Variants in NOTCH2 observed in about 807,000 individuals in gnomAD.
The protein encoded by NOTCH2 is notch receptor 2, also known as neurogenic locus notch homolog protein 2.
NOTCH2 carries 29 observed loss-of-function variants against 235.8 expected under a neutral mutation model. The observed-to-expected ratio is 0.12, with a 90% CI of 0.09 to 0.17. The LOEUF is 0.17. Ranked by LOEUF, NOTCH2 falls within the 10% of genes least tolerant of loss-of-function variation. The probability of loss-of-function intolerance (pLI) is 1.00; values close to 1 mark genes in which losing one functional copy is unlikely to be tolerated. For missense variants in NOTCH2, 2,285 were observed against 3,150.2 expected (o/e 0.73, Z 6.57); for synonymous variants, 1,086 against 1,141.5 (o/e 0.95, Z 0.98).
At chr1:119,963,003 C>A (rs189719092) in intron 11 of NOTCH2, among the ~76,000 whole-genome samples, 50 of 152,118 alleles carry the variant, frequency 3.3e-4, no homozygotes, top group Admixed American at 2.9e-3. Flanking sequence ...GACAGCTCTG[C>A]GTTCTACTTT....
chr1:119,943,163 A>T (rs1041831955), intron 17 of NOTCH2, among the ~76,000 whole-genome samples: 7 of 152,212 alleles, frequency 4.6e-5, no homozygotes, highest in Admixed American at 3.3e-4. Flanking sequence ...AAACTTATTT[A>T]TCTTATCACT....
At chr1:120,024,850 A>G (rs1321047228) in intron 2 of NOTCH2, among the ~76,000 whole-genome samples, 4 of 151,570 alleles carry the variant, frequency 2.6e-5, no homozygotes, top group Non-Finnish European at 4.4e-5. Flanking sequence ...CATCATTAAA[A>G]ATAATTGCAG....
At chr1:119,967,303 C>A in intron 8 of NOTCH2, 130 bp downstream of exon 8, 3 of 886,648 alleles carry the variant, frequency 3.4e-6, no homozygotes, top group Non-Finnish European at 5.7e-6. Context: ...TTCCTCTAGT[C>A]CCCAGTCAGC....
In NOTCH2 at chr1:119,987,091, T is replaced by C. The variant is rs782119995; in HGVS notation, c.752-9A>G. The C allele has an allele frequency of 1.2e-6, 2 of 1,613,302 alleles. No individual in the cohort carries two copies. Among genetic ancestry groups the C allele is most frequent in the South Asian group, 1.1e-5 (1 of 91,076 alleles). Reference sequence around the variant, plus strand: ...GGTGCTCCCTTCAAAACCTGGTAAATGAAGAACAAATGAAAATGATGAAAT... The same window carrying C: ...GGTGCTCCCTTCAAAACCTGGTAAACGAAGAACAAATGAAAATGATGAAAT... On this transcript the variant is annotated splice_polypyrimidine_tract_variant and intron_variant, in intron 4 of 33. Coordinates refer to ENST00000256646, the MANE Select transcript of NOTCH2 (RefSeq NM_024408.4).
intron 3 of NOTCH2, among the ~76,000 whole-genome samples, chr1:120,000,872 C>T (rs1278871464): frequency 1.3e-5 from 2 of 152,060 alleles, no homozygotes; most frequent in Admixed American, 6.5e-5. Flanking sequence ...ACCCCACCAA[C>T]ACCTTTTGAT....
intron 5 of NOTCH2, among the ~76,000 whole-genome samples, chr1:119,981,217 T>G (rs1347118816): frequency 6.6e-6 from 1 of 152,184 alleles, no homozygotes; most frequent in Non-Finnish European, 1.5e-5. Flanking sequence ...AAACAGAAGT[T>G]CACTCTTCTC....
At chr1:120,041,147 T>C (rs1553212758) in intron 1 of NOTCH2, among the ~76,000 whole-genome samples, 1 of 124,258 alleles carries the variant, frequency 8.0e-6, no homozygotes, top group East Asian at 2.1e-4. Context: ...TCTTCAGACA[T>C]ACAGCTATGT....
intron 19 of NOTCH2, among the ~76,000 whole-genome samples, chr1:119,938,686 CTT>C (rs1195488133): frequency 6.9e-6 from 1 of 145,880 alleles, no homozygotes. Context: ...TATATTCATT[CTT>C]TTTTTTTTTT....
chr1:120,048,189 A>G (rs1289489086), intron 1 of NOTCH2, among the ~76,000 whole-genome samples: 11 of 140,350 alleles, frequency 7.8e-5, no homozygotes, highest in African/African-American at 3.1e-4. Context: ...TGTGACCTAC[A>G]GTGAGAAATA....
At chr1:120,023,191 A>G (rs1207678156) in intron 2 of NOTCH2, among the ~76,000 whole-genome samples, 2 of 151,848 alleles carry the variant, frequency 1.3e-5, no homozygotes, top group African/African-American at 2.4e-5. Context: ...TAATCCCAGC[A>G]CTTTGGGAGG....
chr1:119,951,402 T>C (rs1650468761), intron 14 of NOTCH2, among the ~76,000 whole-genome samples: 1 of 152,146 alleles, frequency 6.6e-6, no homozygotes, highest in African/African-American at 2.4e-5. Context: ...TCCTCCCACC[T>C]TACCCTCCCA....
At position 119,959,444 on chromosome 1, in the gene NOTCH2, G is replaced by T. The variant is rs782549489; in HGVS notation, c.1974C>A (p.Ile658=). Residue 658 remains isoleucine, a synonymous_variant, in exon 12 of 34, where the codon ATC becomes ATA. Transcript: ENST00000256646. ...DCASNPCIHG[I]CMDGINRYSC... is the part of the protein sequence containing the mutation. ...TGTAGCGATTAATGCCATCCATACA[G>T]ATTCCATGGATACAAGGGTTACTTG... The T allele has an allele frequency of 1.2e-6, 2 of 1,612,336 alleles. No individual in the cohort carries two copies. The highest frequency in any genetic ancestry group is 1.7e-6 in the Non-Finnish European group (2 of 1,178,414).
At chr1:119,965,823 G>A (rs1440036701) in intron 9 of NOTCH2, among the ~76,000 whole-genome samples, 4 of 152,178 alleles carry the variant, frequency 2.6e-5, no homozygotes, top group African/African-American at 9.7e-5. Flanking sequence ...AAATTTATAG[G>A]TGGAACCTCA....
chr1:120,037,208 C>T lies in NOTCH2; in HGVS notation c.74-7221G>A, dbSNP rs1258629629. ...ATTTTAACGTCTTGACTGTCTGAGG[C>T]TCCTAAAATACATGAAGAGGAGTTA... On this transcript the variant is annotated intron_variant, in intron 1 of 33. Transcript: ENST00000256646. 3.3e-5 allele frequency among the ~76,000 whole-genome samples: 5 copies of T among 152,008 alleles called. No individual in the cohort carries two copies. The East Asian group carries it at 9.6e-4, about 29-fold the overall frequency.
Position 119,919,539 on chromosome 1 carries a change from C to T in NOTCH2, c.5554G>A (p.Glu1852Lys). 1 of 1,614,122 alleles carries T rather than the reference C, an allele frequency of 6.2e-7. No individual in the cohort carries two copies. Among genetic ancestry groups the T allele is most frequent in the Non-Finnish European group, 8.5e-7 (1 of 1,180,036 alleles). ...SDLSDEDEDA[E>K]DSSANIITDL... is the part of the protein sequence containing the mutation. ...GTGATGATGTTAGCAGAAGAGTCCT[C>T]TGCATCTTCATCTTCATCACTCAAA... Residue 1852 changes from glutamate to lysine, a missense_variant, in exon 31 of 34, where the codon GAG becomes AAG. Physicochemically the swap from Glu to Lys is moderately conservative, Grantham distance 56 (BLOSUM62 1). Coordinates refer to ENST00000256646, the MANE Select transcript of NOTCH2 (RefSeq NM_024408.4).
intron 17 of NOTCH2, among the ~76,000 whole-genome samples, chr1:119,943,263 C>A (rs1553196679): frequency 6.6e-6 from 1 of 152,122 alleles, no homozygotes; most frequent in African/African-American, 2.4e-5. Context: ...TTGTGATAAT[C>A]TCATTTGAAG....
intron 2 of NOTCH2, among the ~76,000 whole-genome samples, chr1:120,028,855 TA>T: frequency 6.7e-6 from 1 of 149,936 alleles, no homozygotes; most frequent in Non-Finnish European, 1.5e-5. Context: ...TTCCCTGAAA[TA>T]AAAAGAATGG....
chr1:119,918,582 A>T (rs1291833259), intron 31 of NOTCH2, 29 bp from the exon 32 acceptor site: 1 of 1,612,698 alleles, frequency 6.2e-7, no homozygotes, highest in Non-Finnish European at 8.5e-7. Flanking sequence ...CAGAAAAGAG[A>T]GTCACCTGGA....
chr1:119,942,694 T>C (rs1650102251), intron 17 of NOTCH2, among the ~76,000 whole-genome samples: 1 of 152,220 alleles, frequency 6.6e-6, no homozygotes, highest in Non-Finnish European at 1.5e-5. Flanking sequence ...TTGTAAATAT[T>C]GTTGGTCCCA....
Sources: gnomAD v4.1 joint callset for allele counts (sites outside exome capture counted in the v4.1 genomes callset) on GRCh38, gnomAD v4.1.1 for gene constraint, MANE v1.5 for transcripts, NCBI Gene and HGNC (gene_info 2026-07-23, HGNC 2026-07-21) for gene names.